The following FYN variants were observed in gnomAD, a reference collection of about 807,000 sequenced individuals.
FYN encodes FYN proto-oncogene, Src family tyrosine kinase.
FYN carries 10 observed loss-of-function variants against 70.2 expected under a neutral mutation model. That is an observed-to-expected ratio of 0.14 (90% confidence interval 0.09 to 0.24). The LOEUF is 0.24. Ranked by LOEUF, FYN falls within the 10% of genes least tolerant of loss-of-function variation. The probability of loss-of-function intolerance (pLI) is 1.00; values close to 1 mark genes in which losing one functional copy is unlikely to be tolerated. For missense variants in FYN, 319 were observed against 673.1 expected, an observed-to-expected ratio of 0.47 and a Z score of 5.82; for synonymous variants, 236 against 248.6, an observed-to-expected ratio of 0.95 and a Z score of 0.48.
chr6:111,821,768 G>T (rs1255741524), intron 2 of FYN, among the ~76,000 whole-genome samples: 3 of 151,782 alleles, frequency 2.0e-5, no homozygotes, highest in Admixed American at 6.6e-5. Flanking sequence ...AATCTACAAA[G>T]AACTCAAACA....
intron 3 of FYN, among the ~76,000 whole-genome samples, chr6:111,766,151 TTC>T (rs1803221633): frequency 6.6e-6 from 1 of 152,242 alleles, no homozygotes; most frequent in South Asian, 2.1e-4. Context: ...ACCACACTTC[TTC>T]TCTTTTAATC....
intron 2 of FYN, among the ~76,000 whole-genome samples, chr6:111,786,020 T>C (rs1771363040): frequency 6.6e-6 from 1 of 151,806 alleles, no homozygotes; most frequent in African/African-American, 2.4e-5. Context: ...TATGGCTGCA[T>C]AGTATTCCAT....
intron 3 of FYN, among the ~76,000 whole-genome samples, chr6:111,729,777 T>C (rs1184898378): frequency 6.6e-6 from 1 of 152,192 alleles, no homozygotes; most frequent in Admixed American, 6.5e-5. Context: ...AACAAATGCC[T>C]AGAAAACTCT....
chr6:111,702,084 T>C (rs963177929), intron 8 of FYN, among the ~76,000 whole-genome samples: 5 of 152,160 alleles, frequency 3.3e-5, no homozygotes, highest in Non-Finnish European at 7.4e-5. Flanking sequence ...AAAATATCTC[T>C]AGGCTTAATA....
At chr6:111,817,919 T>C (rs910663759) in intron 2 of FYN, among the ~76,000 whole-genome samples, 2 of 152,230 alleles carry the variant, frequency 1.3e-5, no homozygotes, top group Non-Finnish European at 2.9e-5. Flanking sequence ...CAACAGTGCC[T>C]GGCTGTGATT....
chr6:111,869,237 C>T (rs1246625982), intron 1 of FYN, among the ~76,000 whole-genome samples: 1 of 152,224 alleles, frequency 6.6e-6, no homozygotes, highest in African/African-American at 2.4e-5. Flanking sequence ...ACAAAGAGGG[C>T]AGCTGAGTGA....
intron 3 of FYN, among the ~76,000 whole-genome samples, chr6:111,764,233 G>GAAAAAAAAAAAAAAAAA (rs1441217283): frequency 4.2e-5 from 3 of 71,698 alleles, no homozygotes; most frequent in South Asian, 5.3e-4. Flanking sequence ...AAAAAAAAAA[G>GAAAAAAAAAAAAAAAAA]AAAAGAAAAA....
In FYN at chr6:111,836,557, G is replaced by A. The variant is rs143043756; in HGVS notation, c.-82+10032C>T. Among the ~76,000 whole-genome samples the A allele has an allele frequency of 5.1e-3, 772 of 152,294 alleles. 6 individuals are homozygous for A. Among genetic ancestry groups the A allele is most frequent in the Non-Finnish European group, 7.9e-3 (540 of 68,020 alleles). On this transcript the variant is annotated intron_variant, in intron 2 of 13. Transcript: ENST00000354650. ...AGGTGGGAGGATGAATTGAGCCCAG[G>A]AGTTCAAGACCAGCCTGGGCAACAT...
intron 8 of FYN, chr6:111,702,576 G>C (rs1372841783): frequency 1.8e-5 from 4 of 227,608 alleles, no homozygotes; most frequent in Non-Finnish European, 3.4e-5. Flanking sequence ...ATGCAACGCG[G>C]GGAATGGGAA....
intron 2 of FYN, among the ~76,000 whole-genome samples, chr6:111,815,370 C>T (rs541111349): frequency 3.5e-4 from 54 of 152,272 alleles, no homozygotes; most frequent in African/African-American, 9.6e-4. Context: ...TTAGGAGGAA[C>T]TGAAATGTTT....
intron 3 of FYN, among the ~76,000 whole-genome samples, chr6:111,773,595 A>AGGGGG (rs1562515420): frequency 5.0e-5 from 1 of 20,016 alleles, no homozygotes; most frequent in Admixed American, 8.3e-4. Flanking sequence ...AGGGAAAGGG[A>AGGGGG]AAGGGAGAGA....
chr6:111,779,618 G>A (rs1771093513), intron 3 of FYN, among the ~76,000 whole-genome samples: 1 of 152,190 alleles, frequency 6.6e-6, no homozygotes, highest in Non-Finnish European at 1.5e-5. Flanking sequence ...CAGGGTTGGA[G>A]AAGGTGGTAA....
chr6:111,848,509 T>C (rs968587847), intron 1 of FYN, among the ~76,000 whole-genome samples: 1 of 152,228 alleles, frequency 6.6e-6, no homozygotes, highest in Non-Finnish European at 1.5e-5. Context: ...CATACATATA[T>C]ACGGCATCAT....
chr6:111,803,950 A>G (rs1038366582), intron 2 of FYN, among the ~76,000 whole-genome samples: 15 of 152,192 alleles, frequency 9.9e-5, no homozygotes, highest in African/African-American at 3.6e-4. Flanking sequence ...ACATGAGAAG[A>G]GAACAGGAAA....
At chr6:111,686,389 T>C (rs1305835140) in intron 12 of FYN, among the ~76,000 whole-genome samples, 2 of 152,290 alleles carry the variant, frequency 1.3e-5, no homozygotes, top group Admixed American at 1.3e-4. Flanking sequence ...AAGCCGTGTC[T>C]GACCTCGGAG....
chr6:111,848,775 T>C (rs184163877), intron 1 of FYN, among the ~76,000 whole-genome samples: 2 of 152,244 alleles, frequency 1.3e-5, no homozygotes, highest in Admixed American at 1.3e-4. Context: ...TTCTTAAGGC[T>C]GTCTTTCTGA....
chr6:111,738,599 C>G (rs1315462141), intron 3 of FYN, among the ~76,000 whole-genome samples: 8 of 152,218 alleles, frequency 5.3e-5, no homozygotes, highest in African/African-American at 1.7e-4. Flanking sequence ...CTGCTCTTCC[C>G]TCTTGGTCAC....
At chr6:111,675,967 T>C (rs1235020224) in intron 12 of FYN, among the ~76,000 whole-genome samples, 1 of 152,108 alleles carries the variant, frequency 6.6e-6, no homozygotes, top group Non-Finnish European at 1.5e-5. Flanking sequence ...TTATTACTTA[T>C]GGAAACACAG....
At chr6:111,788,353 T>C (rs1275168627) in intron 2 of FYN, among the ~76,000 whole-genome samples, 1 of 152,232 alleles carries the variant, frequency 6.6e-6, no homozygotes, top group Non-Finnish European at 1.5e-5. Flanking sequence ...TCATCCTTTT[T>C]CGTTCACCTC....
Sources: allele counts gnomAD v4.1 joint callset (sites outside exome capture counted in the v4.1 genomes callset), GRCh38; gene constraint gnomAD v4.1.1; transcripts MANE v1.5; gene names NCBI Gene and HGNC (gene_info 2026-07-23, HGNC 2026-07-21).